MPPED1: variants seen among roughly 807,000 people sequenced by gnomAD.
MPPED1 encodes the protein metallophosphoesterase domain containing 1, also known as metallophosphoesterase domain-containing protein 1.
In MPPED1, 16 loss-of-function variants were observed where a neutral mutation model predicts 36.2. The ratio of observed to expected loss-of-function variants is 0.44; its 90% CI spans 0.30 to 0.67. MPPED1 has a LOEUF of 0.67. Ranked by LOEUF, MPPED1 falls within the 30% of genes least tolerant of loss-of-function variation. The pLI, the probability that MPPED1 is intolerant of heterozygous loss-of-function variation, is 0.10. For missense variants in MPPED1, 307 were observed against 453.4 expected, an observed-to-expected ratio of 0.68 and a Z score of 2.93; for synonymous variants, 199 against 191.3, an observed-to-expected ratio of 1.04 and a Z score of -0.33.
intron 3 of MPPED1, among the ~76,000 whole-genome samples, chr22:43,436,672 C>CCTTTTTTGCGTGGGTA (rs1929972543): frequency 6.6e-6 from 1 of 152,228 alleles, no homozygotes; most frequent in African/African-American, 2.4e-5. Context: ...GCTGCTTGTC[C>CCTTTTTTGCGTGGGTA]CGTCTGCTGT....
At chr22:43,499,938 G>A (rs1932604820) in intron 5 of MPPED1, among the ~76,000 whole-genome samples, 1 of 119,088 alleles carries the variant, frequency 8.4e-6, no homozygotes, top group Admixed American at 8.1e-5. Flanking sequence ...GATGGTGGAG[G>A]TGGTGGTGGT....
In MPPED1 at chr22:43,432,543, GAA is replaced by G. The variant is rs1491160599; in HGVS notation, c.225-2489_225-2488del. On this transcript the variant is annotated intron_variant, in intron 2 of 6. Transcript: ENST00000443721. ...GGAGGAGAGAGATAAAGGGAGGAGA[GAA>G]AGAAAGGGAGGAGAGAGAGAGAAAG... 2.2e-4 allele frequency among the ~76,000 whole-genome samples: 28 copies of G among 125,628 alleles called. 1 individual carries two copies. Among genetic ancestry groups the G allele is most frequent in the African/African-American group, 7.0e-4 (22 of 31,370 alleles). 82.4% of individuals were successfully genotyped at this position (125,628 alleles called of 152,430 possible). A position where few individuals can be genotyped will look rare whatever the true frequency, so the allele number is the denominator to read the frequency against.
intron 3 of MPPED1, among the ~76,000 whole-genome samples, chr22:43,445,173 A>C (rs560987528): frequency 6.6e-6 from 1 of 152,300 alleles, no homozygotes; most frequent in East Asian, 1.9e-4. Flanking sequence ...TTGAAGGCCT[A>C]TTCCTGTGCC....
chr22:43,468,965 C>T (rs1251162452), intron 3 of MPPED1, among the ~76,000 whole-genome samples: 1 of 152,186 alleles, frequency 6.6e-6, no homozygotes, highest in Admixed American at 6.5e-5. Flanking sequence ...CCAGCACCTG[C>T]ACTGCTGTCC....
chr22:43,465,811 G>A (rs938664873), intron 3 of MPPED1, among the ~76,000 whole-genome samples: 2 of 152,206 alleles, frequency 1.3e-5, no homozygotes, highest in African/African-American at 2.4e-5. Context: ...CCAGGAGACC[G>A]TAAGCACCCA....
At chr22:43,451,950 G>A (rs115610144) in intron 3 of MPPED1, among the ~76,000 whole-genome samples, 44 of 152,286 alleles carry the variant, frequency 2.9e-4, no homozygotes, top group African/African-American at 9.9e-4. Context: ...TGCCTAGGGA[G>A]CTGCTGTCCA....
chr22:43,419,541 T>G (rs754900211), intron 1 of MPPED1, among the ~76,000 whole-genome samples: 2 of 151,198 alleles, frequency 1.3e-5, no homozygotes, highest in East Asian at 3.9e-4. Flanking sequence ...GGAGTGGGGC[T>G]GGGGCCAGGT....
intron 5 of MPPED1, among the ~76,000 whole-genome samples, chr22:43,500,791 C>T (rs1047501635): frequency 6.6e-6 from 1 of 152,010 alleles, no homozygotes; most frequent in East Asian, 1.9e-4. Context: ...AGCCAAGCCC[C>T]GTGGGACACA....
intron 3 of MPPED1, among the ~76,000 whole-genome samples, chr22:43,473,096 G>A (rs1931431647): frequency 6.6e-6 from 1 of 152,242 alleles, no homozygotes; most frequent in Non-Finnish European, 1.5e-5. Context: ...AGGCATTTCT[G>A]GAATTTGGTT....
chr22:43,504,993 C>T (rs995534020), intron 6 of MPPED1, among the ~76,000 whole-genome samples: 8 of 150,904 alleles, frequency 5.3e-5, no homozygotes, highest in South Asian at 2.1e-4. Flanking sequence ...ATGATGATGA[C>T]GGTGATGGTA....
At chr22:43,419,598 C>T (rs1399043374) in intron 1 of MPPED1, among the ~76,000 whole-genome samples, 1 of 152,058 alleles carries the variant, frequency 6.6e-6, no homozygotes, top group Non-Finnish European at 1.5e-5. Flanking sequence ...CTGAGGGCGG[C>T]AGCTGCTCTA....
intron 1 of MPPED1, among the ~76,000 whole-genome samples, chr22:43,420,814 T>C (rs3930882): frequency 0.87 from 132,037 of 152,162 alleles, 57,440 homozygotes; most frequent in Middle Eastern, 0.97. Context: ...CTTTGTTTAC[T>C]TTATTGTCCC....
intron 4 of MPPED1, among the ~76,000 whole-genome samples, chr22:43,478,408 C>T (rs1481505079): frequency 2.0e-5 from 3 of 152,154 alleles, no homozygotes; most frequent in African/African-American, 4.8e-5. Context: ...ACTGCTGCTG[C>T]CTTCATGGGG....
At chr22:43,436,159 C>A (rs1262038507) in intron 3 of MPPED1, among the ~76,000 whole-genome samples, 1 of 152,230 alleles carries the variant, frequency 6.6e-6, no homozygotes, top group Non-Finnish European at 1.5e-5. Context: ...GGAAAACTCG[C>A]TTGCCTTGGA....
chr22:43,500,271 G>A (rs1932659499), intron 5 of MPPED1, among the ~76,000 whole-genome samples: 2 of 73,484 alleles, frequency 2.7e-5, no homozygotes, highest in Non-Finnish European at 2.6e-5. Context: ...GATGGTGATG[G>A]AGGTGGCGGT....
At chr22:43,426,711 C>T (rs117224677) in intron 2 of MPPED1, among the ~76,000 whole-genome samples, 141 of 152,344 alleles carry the variant, frequency 9.3e-4, no homozygotes, top group South Asian at 2.3e-3. Flanking sequence ...TGCAGGGCAG[C>T]AGGCTCCAGG....
intron 3 of MPPED1, among the ~76,000 whole-genome samples, chr22:43,459,836 G>A (rs944361963): frequency 1.3e-5 from 2 of 152,072 alleles, no homozygotes; most frequent in East Asian, 1.9e-4. Flanking sequence ...CCGCAAGGAC[G>A]ATTTCTATTG....
In MPPED1 at chr22:43,502,411, C is replaced by G. The variant is rs1206164740; in HGVS notation, c.749-233C>G. Among the ~76,000 whole-genome samples, 1 of 152,226 alleles carries G rather than the reference C, an allele frequency of 6.6e-6. No homozygotes were observed. Among genetic ancestry groups the G allele is most frequent in the Non-Finnish European group, 1.5e-5 (1 of 68,040 alleles). Reference sequence around the variant, plus strand: ...CATGCTGAGCTCTTTCAAGGAGGCCCTCAGTGCAGCCCTATGGAGGAGGAG... The same window carrying G: ...CATGCTGAGCTCTTTCAAGGAGGCCGTCAGTGCAGCCCTATGGAGGAGGAG... On this transcript the variant is annotated intron_variant, in intron 5 of 6. Coordinates refer to ENST00000443721, the MANE Select transcript of MPPED1 (RefSeq NM_001044370.2). This position sits in a 1 kb window ranked among gnomAD's most constrained non-coding sequence, Gnocchi z 5.5.
At chr22:43,482,807 G>A (rs1243773024) in intron 4 of MPPED1, among the ~76,000 whole-genome samples, 1 of 152,258 alleles carries the variant, frequency 6.6e-6, no homozygotes, top group Non-Finnish European at 1.5e-5. Flanking sequence ...GCTGGGGTGG[G>A]TCGTGGCACT....
Sources: allele counts gnomAD v4.1 joint callset (sites outside exome capture counted in the v4.1 genomes callset), GRCh38; gene constraint gnomAD v4.1.1; non-coding constraint Gnocchi (gnomAD v3.1); transcripts MANE v1.5; gene names NCBI Gene and HGNC (gene_info 2026-07-23, HGNC 2026-07-21).